EIF4A3: variants seen among roughly 807,000 people sequenced by gnomAD.
EIF4A3 encodes the protein eukaryotic translation initiation factor 4A3.
A neutral mutation model predicts 55.6 loss-of-function variants in EIF4A3; 1 was observed. That is an observed-to-expected ratio of 0.02 (90% CI 0.01 to 0.09). The LOEUF (loss-of-function observed/expected upper bound fraction) is 0.09. Among genes scored for constraint, EIF4A3 ranks in the 10% least tolerant of loss-of-function variants. The probability of loss-of-function intolerance (pLI) is 1.00; values close to 1 mark genes in which losing one functional copy is unlikely to be tolerated. For missense variants in EIF4A3, 221 were observed against 540.7 expected (o/e 0.41, Z 5.86); for synonymous variants, 194 against 196.3 (o/e 0.99, Z 0.10).
chr17:80,138,128 G>A lies in EIF4A3; in HGVS notation c.867+14C>T. 1.9e-6 allele frequency: 3 copies of A among 1,613,044 alleles called. No homozygotes were observed. The highest frequency in any genetic ancestry group is 2.5e-6 in the Non-Finnish European group (3 of 1,179,126). ...TTTCCCTTCAGCACATGGATGCTGT[G>A]CAGTGCCTCTTACCTTTCTTTTGGT... On this transcript the variant is annotated intron_variant, in intron 8 of 11. Transcript: ENST00000649764.
In EIF4A3 at chr17:80,137,427, T is replaced by C; in HGVS notation, c.942A>G (p.Lys314=). 6.2e-7 allele frequency: 1 copy of C among 1,614,108 alleles called. No individual in the cohort carries two copies. Among genetic ancestry groups the C allele is most frequent in the Non-Finnish European group, 8.5e-7 (1 of 1,179,994 alleles). ...VSSMHGDMPQ[K]ERESIMKEFR... ...ACTCCTTCATGATGGACTCCCGCTC[T>C]TTCTGGGGCATGTCTCCATGCATTG... The change falls in exon 9 of 12, where the codon AAA becomes AAG. Residue 314 remains lysine (K), a synonymous_variant. Transcript: ENST00000649764.
At chr17:80,141,096 T>A (rs72850889) in intron 4 of EIF4A3, among the ~76,000 whole-genome samples, 20,519 of 152,158 alleles carry the variant, frequency 0.13, 1,789 homozygotes, top group East Asian at 0.25. Flanking sequence ...AAAATCTACA[T>A]TTCTAAGGCT....
chr17:80,140,374 C>T (rs1375990658), intron 4 of EIF4A3: 6 of 371,892 alleles, frequency 1.6e-5, no homozygotes, highest in South Asian at 4.6e-5. Flanking sequence ...GGGGCAGCAG[C>T]GCAATCTTAG....
chr17:80,147,047 C>CTG lies in EIF4A3; in HGVS notation c.-88_-87dup, dbSNP rs533767485. On this transcript the variant is annotated 5_prime_UTR_variant, in exon 1 of 12. Coordinates refer to ENST00000649764, the MANE Select transcript of EIF4A3 (RefSeq NM_014740.4). The stretch of plus-strand genomic sequence containing the variant: ...CCTCGCTGTGCCGCTGCCGACCTCG[C>CTG]TGCCGCTGCCGACCTCGCTGTGCCG... The CTG allele has an allele frequency of 4.5e-3, 5,171 of 1,155,186 alleles. 389 individuals carry two copies. The highest frequency in any genetic ancestry group is 0.012 in the East Asian group (288 of 23,504). 71.6% of individuals were successfully genotyped at this position (1,155,186 alleles called of 1,614,324 possible).
chr17:80,146,777 G>GCCCGCGC lies in EIF4A3; in HGVS notation c.169+9_169+15dup. The GCCCGCGC allele has an allele frequency of 6.2e-7, 1 of 1,601,796 alleles. No homozygotes were observed. The highest frequency in any genetic ancestry group is 8.5e-7 in the Non-Finnish European group (1 of 1,177,760). ...GACTCGCCCCCGGCTGGCCCCCGCG[G>GCCCGCGC]CCCGCGCCCGCTCACCGTAAGCGTA... On this transcript the variant is annotated intron_variant, in intron 1 of 11. Transcript: ENST00000649764.
rs762482548 is a variant in EIF4A3, at chr17:80,137,363, G to A, written c.983+23C>T. 6 of 1,604,812 alleles carry A rather than the reference G, an allele frequency of 3.7e-6. No homozygotes were observed. In the East Asian group the frequency reaches 1.3e-4, roughly 36 times the overall value. On this transcript the variant is annotated intron_variant, in intron 9 of 11. Transcript: ENST00000649764. ...ACAGTCTAGCAAACCCTGACCTGCA[G>A]AGCCACAGCATAGCAGACCCACCTG...
At chr17:80,136,467 T>A in intron 9 of EIF4A3, 132 bp from the exon 10 acceptor site, 1 of 697,690 alleles carries the variant, frequency 1.4e-6, no homozygotes. Context: ...CTCTCAACAG[T>A]CTGTCTGCAA....
chr17:80,139,014 C>G lies in EIF4A3; in HGVS notation c.728+7G>C. The G allele has an allele frequency of 1.2e-6, 2 of 1,613,312 alleles. No homozygotes were observed. Among genetic ancestry groups the G allele is most frequent in the Non-Finnish European group, 8.5e-7 (1 of 1,179,658 alleles). ...GTTTTAGTAAACTTGACAAGAGGGG[C>G]TCCTACCGTTTCACCAAGATGCGGA... On this transcript the variant is annotated splice_region_variant and intron_variant, in intron 7 of 11. Transcript: ENST00000649764.
At chr17:80,135,766 G>A (rs780791622) in intron 11 of EIF4A3, 7 of 612,424 alleles carry the variant, frequency 1.1e-5, no homozygotes, top group Admixed American at 9.3e-5. Context: ...TATGGTGCAC[G>A]TGTCTGTAAT....
At chr17:80,136,405 T>C (rs2039570646) in intron 9 of EIF4A3, 70 bp from the exon 10 acceptor site, 11 of 1,318,378 alleles carry the variant, frequency 8.3e-6, no homozygotes, top group Non-Finnish European at 1.2e-5. Context: ...TTGCTTCCAT[T>C]GCTAATTTTA....
chr17:80,142,470 G>A (rs1292653527), intron 2 of EIF4A3, among the ~76,000 whole-genome samples: 1 of 152,130 alleles, frequency 6.6e-6, no homozygotes, highest in African/African-American at 2.4e-5. Context: ...CTCATGTCAC[G>A]GCGTGGTGGC....
At chr17:80,135,579 A>G (rs1336597000) in intron 11 of EIF4A3, 73 bp from the exon 12 acceptor site, 1 of 1,357,980 alleles carries the variant, frequency 7.4e-7, no homozygotes, top group Non-Finnish European at 1.0e-6. Context: ...AAATTTAACT[A>G]AAACCTCACA....
intron 5 of EIF4A3, 70 bp downstream of exon 5, chr17:80,139,938 G>A: frequency 6.3e-7 from 1 of 1,578,784 alleles, no homozygotes; most frequent in Non-Finnish European, 8.6e-7. Context: ...ATCGAAAGCT[G>A]TCCTGTACCA....
At chr17:80,139,254 C>T (rs896024172) in intron 6 of EIF4A3, 92 bp from the exon 7 acceptor site, 2 of 1,523,990 alleles carry the variant, frequency 1.3e-6, no homozygotes, top group Non-Finnish European at 1.8e-6. Context: ...GGGTTAGAGG[C>T]AGAGTGGTGA....
chr17:80,136,410 A>G, intron 9 of EIF4A3, 75 bp from the exon 10 acceptor site: 1 of 1,234,136 alleles, frequency 8.1e-7, no homozygotes, highest in Non-Finnish European at 1.1e-6. Flanking sequence ...TCCATTGCTA[A>G]TTTTAAGGAA....
intron 8 of EIF4A3, among the ~76,000 whole-genome samples, chr17:80,137,857 ACCTGGGGATCTAAAACTACTCAGG>A (rs1355018879): frequency 1.3e-5 from 2 of 152,034 alleles, no homozygotes; most frequent in Non-Finnish European, 2.9e-5. Context: ...CATTACCATC[ACCTGGGGATCTAAAACTACTCAGG>A]CCTGGGTTCC....
chr17:80,147,072 G>A lies in EIF4A3; in HGVS notation c.-111C>T, dbSNP rs575584112. On this transcript the variant is annotated 5_prime_UTR_variant, in exon 1 of 12. Coordinates refer to ENST00000649764, the MANE Select transcript of EIF4A3 (RefSeq NM_014740.4). ...CTGCCGCTGCCGACCTCGCTGTGCCGCTGCCGACCTCGCTGTGCCGCTGCC... is the reference window on the plus strand; with the variant it reads ...CTGCCGCTGCCGACCTCGCTGTGCCACTGCCGACCTCGCTGTGCCGCTGCC... 1 of 1,375,860 alleles carries A rather than the reference G, an allele frequency of 7.3e-7. No homozygotes were observed. Among genetic ancestry groups the A allele is most frequent in the Non-Finnish European group, 9.4e-7 (1 of 1,064,910 alleles). The allele number at this position is 1,375,860 out of a possible 1,614,324, so 85.2% of individuals were successfully genotyped here.
In EIF4A3 at chr17:80,141,462, T is replaced by C. The variant is rs746984214; in HGVS notation, c.310-81A>G. On this transcript the variant is annotated intron_variant, in intron 3 of 11. Transcript: ENST00000649764. ...GTAGTAATTCACACTCAGATCTATA[T>C]GAGAAATACTATCTCATATTAATCA... is the stretch of plus-strand genomic sequence containing the variant. 9.2e-5 allele frequency: 123 copies of C among 1,335,452 alleles called. 1 individual carries two copies. Among genetic ancestry groups the C allele is most frequent in the African/African-American group, 1.6e-4 (11 of 69,208 alleles). 82.7% of individuals were successfully genotyped at this position (1,335,452 alleles called of 1,614,324 possible).
intron 2 of EIF4A3, among the ~76,000 whole-genome samples, chr17:80,142,499 C>T (rs776430587): frequency 6.6e-6 from 1 of 152,158 alleles, no homozygotes; most frequent in Non-Finnish European, 1.5e-5. Flanking sequence ...GTATTCCCAA[C>T]ACTCTGGGAC....
Sources: gnomAD v4.1 joint callset for allele counts (sites outside exome capture counted in the v4.1 genomes callset) on GRCh38, gnomAD v4.1.1 for gene constraint, MANE v1.5 for transcripts, NCBI Gene and HGNC (gene_info 2026-07-23, HGNC 2026-07-21) for gene names.